TSPAN12: variants seen among roughly 807,000 people sequenced by gnomAD.
TSPAN12 encodes the protein tetraspanin-12.
In TSPAN12, 19 loss-of-function variants were observed where a neutral mutation model predicts 39.2. The ratio of observed to expected loss-of-function variants is 0.49; its 90% CI spans 0.34 to 0.71. The LOEUF (loss-of-function observed/expected upper bound fraction) is 0.71. TSPAN12 is among the 30% of genes least tolerant of loss of function. The probability of loss-of-function intolerance (pLI) is 0.01; values close to 1 mark genes in which losing one functional copy is unlikely to be tolerated. For synonymous variants in TSPAN12, 119 were observed against 124.8 expected (o/e 0.95, Z 0.31); for missense variants, 314 against 359.9 (o/e 0.87, Z 1.03).
intron 4 of TSPAN12, among the ~76,000 whole-genome samples, chr7:120,834,995 C>T (rs1217780170): frequency 6.6e-6 from 1 of 152,170 alleles, no homozygotes; most frequent in East Asian, 1.9e-4. Flanking sequence ...TCACTGCCTT[C>T]CAGGCAACAT....
chr7:120,838,597 A>T (rs539798453), intron 4 of TSPAN12, among the ~76,000 whole-genome samples, 180 bp downstream of exon 4: 12 of 152,236 alleles, frequency 7.9e-5, no homozygotes, highest in Non-Finnish European at 1.5e-4. Flanking sequence ...ATATATTTCC[A>T]TACCTCATCC....
intron 7 of TSPAN12, among the ~76,000 whole-genome samples, chr7:120,800,182 C>T (rs1219164605): frequency 6.6e-6 from 1 of 151,948 alleles, no homozygotes; most frequent in East Asian, 1.9e-4. Flanking sequence ...AGGATGAGGG[C>T]TCAGAGTGTG....
chr7:120,815,946 T>A (rs899663489), intron 4 of TSPAN12, 143 bp from the exon 5 acceptor site: 3 of 687,164 alleles, frequency 4.4e-6, no homozygotes, highest in African/African-American at 3.6e-5. Context: ...ATGGGGAAAT[T>A]ATCAGCAAAT....
At chr7:120,821,593 A>G (rs1436703140) in intron 4 of TSPAN12, among the ~76,000 whole-genome samples, 1 of 152,192 alleles carries the variant, frequency 6.6e-6, no homozygotes, top group Non-Finnish European at 1.5e-5. Context: ...ATTACCTTGC[A>G]ATGCTGTGCA....
intron 4 of TSPAN12, among the ~76,000 whole-genome samples, chr7:120,829,817 T>TA (rs1262565227): frequency 6.6e-6 from 1 of 152,168 alleles, no homozygotes; most frequent in African/African-American, 2.4e-5. Flanking sequence ...CAAATGTATA[T>TA]ATCTAAAAAC....
At chr7:120,822,342 C>T (rs1396549594) in intron 4 of TSPAN12, among the ~76,000 whole-genome samples, 1 of 151,914 alleles carries the variant, frequency 6.6e-6, no homozygotes, top group East Asian at 1.9e-4. Context: ...ACCACCACCC[C>T]CTAGGATTTC....
intron 7 of TSPAN12, among the ~76,000 whole-genome samples, chr7:120,798,251 TC>T (rs931965474): frequency 6.6e-6 from 1 of 151,970 alleles, no homozygotes; most frequent in Non-Finnish European, 1.5e-5. Flanking sequence ...AAAGGGATCT[TC>T]CCCCCTACCA....
intron 4 of TSPAN12, among the ~76,000 whole-genome samples, chr7:120,828,158 A>T (rs79879423): frequency 6.6e-6 from 1 of 152,156 alleles, no homozygotes; most frequent in Non-Finnish European, 1.5e-5. Flanking sequence ...TCTCTCTTCT[A>T]TCATTAAAAA....
At chr7:120,796,706 G>A (rs192958458) in intron 7 of TSPAN12, among the ~76,000 whole-genome samples, 1 of 152,224 alleles carries the variant, frequency 6.6e-6, no homozygotes, top group Non-Finnish European at 1.5e-5. Flanking sequence ...GTCCCTGGCT[G>A]CATACATTGC....
intron 4 of TSPAN12, among the ~76,000 whole-genome samples, chr7:120,834,344 C>G (rs954386798): frequency 6.6e-6 from 1 of 152,134 alleles, no homozygotes; most frequent in Non-Finnish European, 1.5e-5. Context: ...CAACTTACAT[C>G]TATAAATCTA....
intron 2 of TSPAN12, among the ~76,000 whole-genome samples, chr7:120,848,605 C>T (rs1562953885): frequency 6.6e-6 from 1 of 152,158 alleles, no homozygotes; most frequent in Non-Finnish European, 1.5e-5. Flanking sequence ...GTACTTTAAA[C>T]TAAAACTTTG....
chr7:120,853,616 T>C (rs1265384601), intron 2 of TSPAN12, among the ~76,000 whole-genome samples: 2 of 150,676 alleles, frequency 1.3e-5, no homozygotes, highest in African/African-American at 4.9e-5. Context: ...GGCTCACACC[T>C]GTAATCCCAG....
At chr7:120,832,371 T>C (rs1296298740) in intron 4 of TSPAN12, among the ~76,000 whole-genome samples, 1 of 152,118 alleles carries the variant, frequency 6.6e-6, no homozygotes, top group Non-Finnish European at 1.5e-5. Flanking sequence ...TGGACTTAAC[T>C]TCATTTTCTT....
intron 4 of TSPAN12, among the ~76,000 whole-genome samples, chr7:120,824,422 T>C (rs1794246195): frequency 1.3e-5 from 2 of 151,786 alleles, no homozygotes; most frequent in Non-Finnish European, 2.9e-5. Context: ...AGCCTGGTGA[T>C]AGAGCGAGAC....
At chr7:120,799,960 G>A (rs1460659298) in intron 7 of TSPAN12, among the ~76,000 whole-genome samples, 1 of 147,378 alleles carries the variant, frequency 6.8e-6, no homozygotes, top group Non-Finnish European at 1.5e-5. Context: ...AAATTACAAA[G>A]CAAAAGTTAT....
At chr7:120,808,427 T>C (rs1249525713) in intron 6 of TSPAN12, among the ~76,000 whole-genome samples, 1 of 152,106 alleles carries the variant, frequency 6.6e-6, no homozygotes, top group East Asian at 1.9e-4. Flanking sequence ...GTGGTCTACA[T>C]CTCCTTGTCA....
At chr7:120,788,942 GA>G in intron 7 of TSPAN12, 45 bp from the exon 8 acceptor site, 1 of 1,598,358 alleles carries the variant, frequency 6.3e-7, no homozygotes, top group Non-Finnish European at 8.6e-7. Context: ...ATATGTTACA[GA>G]AGGCCAAAAA....
At chr7:120,826,865 G>A (rs989590639) in intron 4 of TSPAN12, among the ~76,000 whole-genome samples, 3 of 152,086 alleles carry the variant, frequency 2.0e-5, no homozygotes, top group South Asian at 4.1e-4. Context: ...TGGGACTACA[G>A]ACATGCACCA....
intron 4 of TSPAN12, among the ~76,000 whole-genome samples, chr7:120,828,612 T>C (rs1794332277): frequency 6.6e-6 from 1 of 151,736 alleles, no homozygotes; most frequent in Non-Finnish European, 1.5e-5. Context: ...TAAATGTTCT[T>C]AATAGAAGAC....
Sources: gnomAD v4.1 joint callset for allele counts (sites outside exome capture counted in the v4.1 genomes callset) on GRCh38, gnomAD v4.1.1 for gene constraint, MANE v1.5 for transcripts, NCBI Gene and HGNC (gene_info 2026-07-23, HGNC 2026-07-21) for gene names.